The following DNAH7 variants were observed in gnomAD, a reference collection of about 807,000 sequenced individuals.
DNAH7 encodes dynein axonemal heavy chain 7.
DNAH7 carries 397 observed loss-of-function variants against 444.6 expected under a neutral mutation model. The observed-to-expected ratio is 0.89, with a 90% CI of 0.82 to 0.97. The LOEUF is 0.97. Ranked by LOEUF, DNAH7 falls within the 50% of genes least tolerant of loss-of-function variation. The pLI, the probability that DNAH7 is intolerant of heterozygous loss-of-function variation, is 0.00. For synonymous variants in DNAH7, 1,636 were observed against 1,624.4 expected (o/e 1.01, Z -0.17); for missense variants, 4,902 against 4,800.8 (o/e 1.02, Z -0.62).
At position 195,945,064 on chromosome 2, in the gene DNAH7, C is replaced by T. The variant is rs533568167; in HGVS notation, c.3079-8272G>A. On this transcript the variant is annotated intron_variant, in intron 19 of 64. Transcript: ENST00000312428. ...TATTTTCAAGCAATAACTAGATCTTCACTACTCTAAAACCCAAGTGGGTCA... is the reference window on the plus strand; with the variant it reads ...TATTTTCAAGCAATAACTAGATCTTTACTACTCTAAAACCCAAGTGGGTCA... Among the ~76,000 whole-genome samples the T allele has an allele frequency of 8.7e-4, 132 of 151,828 alleles. 1 individual carries two copies. The highest frequency in any genetic ancestry group is 3.0e-3 in the African/African-American group (125 of 41,426).
In DNAH7 at chr2:195,808,787, T is replaced by C. The variant is rs772407466; in HGVS notation, c.9978A>G (p.Lys3326=). ...CTAATCGACATATTTCATCCCAGGATTTCTGAGGAAGCCATGTACAAAGGT... is the reference window on the plus strand; with the variant it reads ...CTAATCGACATATTTCATCCCAGGACTTCTGAGGAAGCCATGTACAAAGGT... ...YANLCTWLPQ[K]SWDEICRLDD... The change falls in exon 53 of 65, where the codon AAA becomes AAG. Residue 3326 remains lysine (K), a synonymous_variant. Transcript: ENST00000312428. 1 of 1,613,952 alleles carries C rather than the reference T, an allele frequency of 6.2e-7. No individual in the cohort carries two copies. Among genetic ancestry groups the C allele is most frequent in the African/African-American group, 1.3e-5 (1 of 74,938 alleles).
intron 5 of DNAH7, among the ~76,000 whole-genome samples, chr2:196,034,525 C>T (rs536675667): frequency 1.3e-5 from 2 of 152,146 alleles, no homozygotes; most frequent in East Asian, 3.8e-4. Flanking sequence ...CAAAATCTGA[C>T]AAGCTGATCT....
At chr2:195,951,757 CT>C (rs953780462) in intron 19 of DNAH7, among the ~76,000 whole-genome samples, 31 of 149,482 alleles carry the variant, frequency 2.1e-4, no homozygotes, top group African/African-American at 4.2e-4. Context: ...ATTGCAACCT[CT>C]TTTTTTTTTC....
chr2:195,792,386 CCAAA>C (rs1695919637), intron 57 of DNAH7, among the ~76,000 whole-genome samples: 1 of 107,340 alleles, frequency 9.3e-6, no homozygotes, highest in Non-Finnish European at 1.9e-5. Context: ...TACAAAAAAA[CCAAA>C]AAATACACAC....
At chr2:196,008,385 A>G (rs1694515073) in intron 10 of DNAH7, among the ~76,000 whole-genome samples, 2 of 152,212 alleles carry the variant, frequency 1.3e-5, no homozygotes, top group South Asian at 4.1e-4. Flanking sequence ...GTGTTCCTCA[A>G]AAAGTCAGAA....
rs112960579 is a variant in DNAH7, at chr2:195,983,139, T to G, written c.1833+1493A>C. Among the ~76,000 whole-genome samples, 348 of 152,050 alleles carry G rather than the reference T, an allele frequency of 2.3e-3. 2 individuals carry two copies. The highest frequency in any genetic ancestry group is 7.8e-3 in the African/African-American group (325 of 41,456). On this transcript the variant is annotated intron_variant, in intron 15 of 64. Coordinates refer to ENST00000312428, the MANE Select transcript of DNAH7 (RefSeq NM_018897.3). ...TACCCATGAAAATTAAAAACAAAATTTAAAAGGATTTTTTGAATAATAATG... is the reference window on the plus strand; with the variant it reads ...TACCCATGAAAATTAAAAACAAAATGTAAAAGGATTTTTTGAATAATAATG...
Position 196,037,609 on chromosome 2 carries a change from A to C in DNAH7, c.399-9562T>G, listed in dbSNP as rs1696477510. ...CTGAAGAAATGAACAAAATAAAAAA[A>C]TCAGGAGTTTCTGCAATGGACTAGA... On this transcript the variant is annotated intron_variant, in intron 5 of 64. Transcript: ENST00000312428. Among the ~76,000 whole-genome samples, 6 of 152,168 alleles carry C rather than the reference A, an allele frequency of 3.9e-5. 1 individual carries two copies. The highest frequency in any genetic ancestry group is 3.9e-4 in the Admixed American group (6 of 15,278).
At chr2:195,842,554 C>T (rs150523656) in intron 47 of DNAH7, among the ~76,000 whole-genome samples, 198 of 152,078 alleles carry the variant, frequency 1.3e-3, no homozygotes, top group African/African-American at 4.7e-3. Context: ...TATAAGATTA[C>T]CAAAATATAT....
rs369857672 is a variant in DNAH7, at chr2:195,906,961, T to C, written c.4153A>G (p.Ile1385Val). Reference sequence around the variant, plus strand: ...ACCACAGAGAGTACTTCCAAATCAATTCTGTTAAACTCATCAAAGCAAGCC... The same window carrying C: ...ACCACAGAGAGTACTTCCAAATCAACTCTGTTAAACTCATCAAAGCAAGCC... ...AWACFDEFNR[I>V]DLEVLSVVAQ... The change falls in exon 26 of 65, where the codon ATT (isoleucine) becomes GTT (valine). Residue 1385 changes from isoleucine (I) to valine (V), a missense_variant. Coordinates refer to ENST00000312428, the MANE Select transcript of DNAH7 (RefSeq NM_018897.3). 243 of 1,613,206 alleles carry C rather than the reference T, an allele frequency of 1.5e-4. No individual in the cohort carries two copies. Among genetic ancestry groups the C allele is most frequent in the Non-Finnish European group, 2.0e-4 (239 of 1,179,538 alleles).
chr2:195,976,558 C>T (rs115678351), intron 15 of DNAH7, among the ~76,000 whole-genome samples: 1 of 152,094 alleles, frequency 6.6e-6, no homozygotes, highest in African/African-American at 2.4e-5. Flanking sequence ...ATTGTAGAGC[C>T]CTAGGGCCTT....
chr2:195,997,702 C>T lies in DNAH7; in HGVS notation c.1353+3002G>A, dbSNP rs555978862. Among the ~76,000 whole-genome samples, 4 of 152,232 alleles carry T rather than the reference C, an allele frequency of 2.6e-5. No homozygotes were observed. In the East Asian group the frequency reaches 7.7e-4, roughly 29 times the overall value. The stretch of plus-strand genomic sequence containing the variant: ...AAAAAAAAAAGTGTATTTTAGTTCA[C>T]TTTCAATTTCTACCAAAGGTTGTGT... On this transcript the variant is annotated intron_variant, in intron 12 of 64. Transcript: ENST00000312428.
At chr2:196,019,042 G>C in intron 9 of DNAH7, 128 bp downstream of exon 9, 2 of 1,043,398 alleles carry the variant, frequency 1.9e-6, no homozygotes, top group Non-Finnish European at 2.5e-6. Context: ...TTAAAACCAT[G>C]TTTGAATACT....
At chr2:196,063,751 G>A (rs1393196654) in intron 1 of DNAH7, 1 of 152,268 alleles carries the variant, frequency 6.6e-6, no homozygotes, top group Non-Finnish European at 1.5e-5. Context: ...GATAGCTGAG[G>A]ATGGCTGTAG....
rs902755475 is a variant in DNAH7 at position 195,737,813 on chromosome 2, T to C, written c.*108A>G. On this transcript the variant is annotated 3_prime_UTR_variant, in exon 65 of 65. Coordinates refer to ENST00000312428, the MANE Select transcript of DNAH7 (RefSeq NM_018897.3). ...ATAAGTAAATTCATAATTATAACTT[T>C]AGTCAAATGTATTTAAACAAACAAA... is the stretch of plus-strand genomic sequence containing the variant. 5.6e-5 allele frequency: 52 copies of C among 921,402 alleles called. No individual in the cohort carries two copies. Among genetic ancestry groups the C allele is most frequent in the Non-Finnish European group, 7.4e-5 (46 of 619,086 alleles). The allele number at this position is 921,402 out of a possible 1,614,324, so 57.1% of individuals were successfully genotyped here.
At chr2:195,801,978 GACCT>G (rs1353270335) in intron 54 of DNAH7, among the ~76,000 whole-genome samples, 3 of 152,130 alleles carry the variant, frequency 2.0e-5, no homozygotes, top group African/African-American at 7.2e-5. Context: ...TGATAGCATG[GACCT>G]ACCTATGAGG....
At chr2:195,810,450 C>A (rs570509252) in intron 51 of DNAH7, among the ~76,000 whole-genome samples, 1 of 152,086 alleles carries the variant, frequency 6.6e-6, no homozygotes, top group Non-Finnish European at 1.5e-5. Context: ...CTCTGTCACC[C>A]AGGTTGGAGT....
chr2:195,798,613 G>C (rs958244907), intron 55 of DNAH7, among the ~76,000 whole-genome samples: 2 of 144,234 alleles, frequency 1.4e-5, no homozygotes, highest in Admixed American at 7.3e-5. Context: ...GCGTGATCTC[G>C]GCTCACTGCA....
At chr2:196,027,464 T>C (rs1328478059) in intron 6 of DNAH7, among the ~76,000 whole-genome samples, 1 of 151,906 alleles carries the variant, frequency 6.6e-6, no homozygotes, top group African/African-American at 2.4e-5. Flanking sequence ...TCTATAATAA[T>C]GAACATTTAA....
intron 17 of DNAH7, among the ~76,000 whole-genome samples, chr2:195,966,126 T>C (rs1266688721): frequency 1.3e-5 from 2 of 152,106 alleles, no homozygotes; most frequent in Non-Finnish European, 2.9e-5. Flanking sequence ...TTTCACTAGA[T>C]ACCATATGTT....
Sources: allele counts gnomAD v4.1 joint callset (sites outside exome capture counted in the v4.1 genomes callset), GRCh38; gene constraint gnomAD v4.1.1; transcripts MANE v1.5; gene names NCBI Gene and HGNC (gene_info 2026-07-23, HGNC 2026-07-21).